CDKAL1: variants seen among roughly 807,000 people sequenced by gnomAD.
CDKAL1 encodes the protein CDKAL1 threonylcarbamoyladenosine tRNA methylthiotransferase.
Under a neutral mutation model 68.2 loss-of-function variants are expected in CDKAL1, and 32 were observed. That is an observed-to-expected ratio of 0.47 (90% CI 0.35 to 0.63). The LOEUF (loss-of-function observed/expected upper bound fraction) is 0.63. Among genes scored for constraint, CDKAL1 ranks in the 30% least tolerant of loss-of-function variants. The pLI, the probability that CDKAL1 is intolerant of heterozygous loss-of-function variation, is 0.00. For synonymous variants in CDKAL1, 234 were observed against 244.3 expected (o/e 0.96, Z 0.39); for missense variants, 606 against 696.7 (o/e 0.87, Z 1.47).
chr6:20,688,210 G>GT (rs761475224), intron 5 of CDKAL1, among the ~76,000 whole-genome samples: 5 of 151,302 alleles, frequency 3.3e-5, no homozygotes, highest in Non-Finnish European at 5.9e-5. Context: ...CATAGGTATA[G>GT]TTTTTTTGGT....
At chr6:21,167,890 C>T (rs1777215855) in intron 13 of CDKAL1, among the ~76,000 whole-genome samples, 1 of 152,156 alleles carries the variant, frequency 6.6e-6, no homozygotes, top group Non-Finnish European at 1.5e-5. Context: ...TCATCTCATT[C>T]CGCAGATGTC....
intron 4 of CDKAL1, among the ~76,000 whole-genome samples, chr6:20,627,855 A>G (rs1202209722): frequency 1.3e-5 from 2 of 152,174 alleles, no homozygotes; most frequent in Admixed American, 6.5e-5. Flanking sequence ...AAAGAAGTAT[A>G]ATTGGAATGG....
intron 9 of CDKAL1, among the ~76,000 whole-genome samples, chr6:20,905,920 A>C (rs1762212696): frequency 6.6e-6 from 1 of 152,188 alleles, no homozygotes; most frequent in South Asian, 2.1e-4. Context: ...GGAGTTTGTT[A>C]CCACCAGACT....
chr6:21,225,810 T>G (rs1779717639), intron 15 of CDKAL1, among the ~76,000 whole-genome samples: 1 of 152,228 alleles, frequency 6.6e-6, no homozygotes, highest in South Asian at 2.1e-4. Flanking sequence ...AATAAAATAA[T>G]GACTTTGTAA....
intron 11 of CDKAL1, among the ~76,000 whole-genome samples, chr6:21,054,632 A>G (rs1479778735): frequency 6.6e-6 from 1 of 152,062 alleles, no homozygotes; most frequent in Non-Finnish European, 1.5e-5. Flanking sequence ...TTCTCTCATC[A>G]AGTTTTAAGA....
chr6:20,920,116 G>A (rs561088778), intron 9 of CDKAL1, among the ~76,000 whole-genome samples: 1 of 152,246 alleles, frequency 6.6e-6, no homozygotes, highest in African/African-American at 2.4e-5. Flanking sequence ...CTCCTTTCCT[G>A]TATGATTACT....
chr6:20,852,365 C>T (rs1581700122), intron 9 of CDKAL1, among the ~76,000 whole-genome samples: 1 of 152,164 alleles, frequency 6.6e-6, no homozygotes, highest in Non-Finnish European at 1.5e-5. Context: ...GAATTATTTT[C>T]ATGCATTCTT....
rs543147305 is a variant in CDKAL1 at position 20,801,275 on chromosome 6, TA to T, written c.638+20011del. Among the ~76,000 whole-genome samples, 87 of 152,306 alleles carry T rather than the reference TA, an allele frequency of 5.7e-4. No homozygotes were observed. In the East Asian group the frequency reaches 0.015, roughly 26 times the overall value. On this transcript the variant is annotated intron_variant, in intron 8 of 15. Transcript: ENST00000274695. ...CCTGAAGAAATTTTCTATCCTCATC[TA>T]CCACCTTAGGCTTGCTAACGAGGCT... is the stretch of plus-strand genomic sequence containing the variant.
intron 4 of CDKAL1, among the ~76,000 whole-genome samples, chr6:20,609,270 CCTTCTCCTCCTTCTCCTTCTT>C (rs1766481986): frequency 1.4e-5 from 2 of 145,798 alleles, no homozygotes; most frequent in African/African-American, 5.2e-5. Flanking sequence ...CCTTCCTCCT[CCTTCTCCTCCTTCTCCTTCTT>C]CTCCTTCTCC....
At chr6:20,577,804 A>C (rs12207923) in intron 4 of CDKAL1, among the ~76,000 whole-genome samples, 10,086 of 152,244 alleles carry the variant, frequency 0.066, 358 homozygotes, top group African/African-American at 0.087. Context: ...TCTATTTAAT[A>C]AAAACATTGC....
At chr6:20,645,379 G>A (rs1424612989) in intron 4 of CDKAL1, among the ~76,000 whole-genome samples, 1 of 151,998 alleles carries the variant, frequency 6.6e-6, no homozygotes, top group Non-Finnish European at 1.5e-5. Flanking sequence ...TAAAACACAA[G>A]TATATTGTAC....
intron 4 of CDKAL1, among the ~76,000 whole-genome samples, chr6:20,620,371 T>C (rs1767124958): frequency 6.6e-6 from 1 of 152,220 alleles, no homozygotes; most frequent in Non-Finnish European, 1.5e-5. Context: ...ATTTAAATGT[T>C]TGTGCCATTT....
At chr6:20,917,938 G>A (rs560633959) in intron 9 of CDKAL1, among the ~76,000 whole-genome samples, 3 of 152,270 alleles carry the variant, frequency 2.0e-5, no homozygotes, top group South Asian at 4.1e-4. Flanking sequence ...AGGGGCCTAA[G>A]ACTCTACTAA....
At position 21,205,822 on chromosome 6, in the gene CDKAL1, C is replaced by T. The variant is rs374625229; in HGVS notation, c.1548+4548C>T. ...CTGGGATTACATGCGTGAGCCCCCG[C>T]GCCCAGCCTTTTTTTTTTTTTTTTT... On this transcript the variant is annotated intron_variant, in intron 15 of 15. Coordinates refer to ENST00000274695, the MANE Select transcript of CDKAL1 (RefSeq NM_017774.3). Among the ~76,000 whole-genome samples the T allele has an allele frequency of 1.4e-3, 188 of 136,338 alleles. 2 individuals are homozygous for T. The highest frequency in any genetic ancestry group is 1.2e-3 in the Non-Finnish European group (79 of 64,560). 89.4% of individuals were successfully genotyped at this position (136,338 alleles called of 152,430 possible).
intron 5 of CDKAL1, among the ~76,000 whole-genome samples, chr6:20,732,283 T>G (rs74583839): frequency 3.3e-3 from 388 of 117,360 alleles, no homozygotes; most frequent in Middle Eastern, 4.5e-3. Context: ...TTTTTTTTTT[T>G]TTGTTGTTGT....
chr6:20,971,322 C>T (rs1169543833), intron 10 of CDKAL1, among the ~76,000 whole-genome samples: 1 of 152,226 alleles, frequency 6.6e-6, no homozygotes, highest in Non-Finnish European at 1.5e-5. Context: ...ATGTCCCCTT[C>T]ACTATGCCGT....
At chr6:20,913,839 T>G (rs1762589634) in intron 9 of CDKAL1, among the ~76,000 whole-genome samples, 1 of 152,044 alleles carries the variant, frequency 6.6e-6, no homozygotes, top group Non-Finnish European at 1.5e-5. Flanking sequence ...AAATAAAAAT[T>G]AATTAGCTGT....
chr6:20,559,747 T>C (rs1311649405), intron 4 of CDKAL1: 1 of 152,216 alleles, frequency 6.6e-6, no homozygotes, highest in Non-Finnish European at 1.5e-5. Context: ...TTTATGTTTA[T>C]AATATTTTAG....
chr6:20,658,099 A>G (rs1769112341), intron 5 of CDKAL1, among the ~76,000 whole-genome samples: 1 of 152,334 alleles, frequency 6.6e-6, no homozygotes, highest in Non-Finnish European at 1.5e-5. Flanking sequence ...CCTTTGGTTA[A>G]TGCTTTATAG....
Sources: allele counts gnomAD v4.1 joint callset (sites outside exome capture counted in the v4.1 genomes callset), GRCh38; gene constraint gnomAD v4.1.1; transcripts MANE v1.5; gene names NCBI Gene and HGNC (gene_info 2026-07-23, HGNC 2026-07-21).